The following AHRR variants were observed in gnomAD, a reference collection of about 807,000 sequenced individuals.
AHRR encodes aryl hydrocarbon receptor repressor, also known as ahR repressor.
Under a neutral mutation model 44.0 loss-of-function variants are expected in AHRR, and 28 were observed. That is an observed-to-expected ratio of 0.64 (90% CI 0.47 to 0.87). The LOEUF is 0.87. Among genes scored for constraint, AHRR ranks in the 40% least tolerant of loss-of-function variants. AHRR has a pLI of 0.00. For missense variants in AHRR, 990 were observed against 953.9 expected, an observed-to-expected ratio of 1.04 and a Z score of -0.50; for synonymous variants, 434 against 407.0, an observed-to-expected ratio of 1.07 and a Z score of -0.80.
intron 3 of AHRR, among the ~76,000 whole-genome samples, chr5:372,395 G>A (rs1344562523): frequency 6.6e-6 from 1 of 152,240 alleles, no homozygotes; most frequent in Non-Finnish European, 1.5e-5. Flanking sequence ...CAGGAGGCCT[G>A]AGAACCAGGT....
At chr5:416,061 C>G (rs755258714) in intron 5 of AHRR, among the ~76,000 whole-genome samples, 2 of 152,258 alleles carry the variant, frequency 1.3e-5, no homozygotes, top group Non-Finnish European at 2.9e-5. Context: ...TGTCTGCACA[C>G]TGGATGCCTC....
intron 4 of AHRR, chr5:403,902 T>G (rs1048347051): frequency 1.9e-6 from 3 of 1,585,756 alleles, no homozygotes; most frequent in Admixed American, 1.7e-5. Flanking sequence ...TAGATGAGAA[T>G]GTAGCTATTC....
chr5:423,453 A>G (rs914048904), intron 6 of AHRR, among the ~76,000 whole-genome samples: 16 of 152,176 alleles, frequency 1.1e-4, no homozygotes, highest in African/African-American at 3.9e-4. Context: ...GGTCCTGTGC[A>G]GAGGGTGGCT....
rs775306320 is a variant in AHRR at position 423,830 on chromosome 5, A to C, written c.572-11A>C. 1 of 1,592,402 alleles carries C rather than the reference A, an allele frequency of 6.3e-7. No individual in the cohort carries two copies. The highest frequency in any genetic ancestry group is 8.5e-7 in the Non-Finnish European group (1 of 1,172,000). On this transcript the variant is annotated splice_polypyrimidine_tract_variant and intron_variant, in intron 6 of 10. Transcript: ENST00000684583. ...CCCACCGCCACGCCCCTTGGCCCCT[A>C]TGGTCTGCAGGAGATGATGCTATCC... is the stretch of plus-strand genomic sequence containing the variant.
chr5:398,968 CGAG>C (rs1734892694), intron 4 of AHRR, among the ~76,000 whole-genome samples: 1 of 152,240 alleles, frequency 6.6e-6, no homozygotes, highest in South Asian at 2.1e-4. Context: ...TCATTCCTCT[CGAG>C]GACCAAGCAG....
chr5:404,453 TG>T lies in AHRR; in HGVS notation c.352-8890del, dbSNP rs984324325. On this transcript the variant is annotated intron_variant, in intron 4 of 10. Coordinates refer to ENST00000684583, the MANE Select transcript of AHRR (RefSeq NM_001377236.1). This position sits in a 1 kb window ranked among gnomAD's most constrained non-coding sequence, Gnocchi z 4.1. ...CAACAGGGGACCACTGTGCTGGTGCTGTCGTGCACGGTGTGTTCACCAAAAC... is the reference window on the plus strand; with the variant it reads ...CAACAGGGGACCACTGTGCTGGTGCTTCGTGCACGGTGTGTTCACCAAAAC... The T allele has an allele frequency of 1.9e-6, 1 of 523,136 alleles. No individual in the cohort carries two copies. Among genetic ancestry groups the T allele is most frequent in the African/African-American group, 2.0e-5 (1 of 50,866 alleles). The allele number at this position is 523,136 out of a possible 1,614,324, so 32.4% of individuals were successfully genotyped here. A position where few individuals can be genotyped will look rare whatever the true frequency, so the allele number is the denominator to read the frequency against.
rs546694715 is a variant in AHRR at position 366,018 on chromosome 5, G to A, written c.245-10592G>A. The stretch of plus-strand genomic sequence containing the variant: ...GCTCATGGTTTTCAATATATAAAGA[G>A]AGACATGAATATGTACGTAAAATGT... On this transcript the variant is annotated intron_variant, in intron 3 of 10. Transcript: ENST00000684583. Among the ~76,000 whole-genome samples the A allele has an allele frequency of 4.6e-5, 7 of 152,142 alleles. No homozygotes were observed. In the East Asian group the frequency reaches 1.2e-3, roughly 25 times the overall value.
intron 3 of AHRR, among the ~76,000 whole-genome samples, chr5:356,369 C>T (rs1040831398): frequency 4.6e-5 from 7 of 152,256 alleles, no homozygotes; most frequent in African/African-American, 1.4e-4. Flanking sequence ...GAAGCCCCGG[C>T]TCTGTTGCTG....
At chr5:393,011 C>T (rs1734540279) in intron 4 of AHRR, among the ~76,000 whole-genome samples, 1 of 152,184 alleles carries the variant, frequency 6.6e-6, no homozygotes, top group Admixed American at 6.5e-5. Context: ...GAGCTGATTT[C>T]TGTCATCCTA....
At chr5:390,878 C>T (rs940832665) in intron 4 of AHRR, among the ~76,000 whole-genome samples, 9 of 152,170 alleles carry the variant, frequency 5.9e-5, no homozygotes, top group African/African-American at 9.7e-5. Context: ...CTGGAGTTCA[C>T]GCACACCCGG....
chr5:398,172 A>G (rs1387778038), intron 4 of AHRR, among the ~76,000 whole-genome samples: 4 of 117,798 alleles, frequency 3.4e-5, no homozygotes, highest in South Asian at 2.5e-4. Context: ...GCCCCTGACC[A>G]TCCACGTAGC....
chr5:425,069 C>T (rs1297652441), intron 7 of AHRR, among the ~76,000 whole-genome samples: 2 of 152,274 alleles, frequency 1.3e-5, no homozygotes, highest in African/African-American at 2.4e-5. Context: ...CCTCTGACTC[C>T]AGCACTGTAG....
Position 326,927 on chromosome 5 carries a change from C to T in AHRR, c.-11+5108C>T, listed in dbSNP as rs1255233112. ...TACAAAAATTAGCCAGGCGTGGTGG[C>T]ACGCGCCTGTAGTCCCAGCTACTCA... is the stretch of plus-strand genomic sequence containing the variant. On this transcript the variant is annotated intron_variant, in intron 1 of 10. Transcript: ENST00000684583. The surrounding 1 kb of genome is among the most constrained non-coding windows in gnomAD (Gnocchi z 4.1). Among the ~76,000 whole-genome samples the T allele has an allele frequency of 6.6e-6, 1 of 152,042 alleles. No homozygotes were observed. Among genetic ancestry groups the T allele is most frequent in the Non-Finnish European group, 1.5e-5 (1 of 68,020 alleles).
At chr5:422,690 T>G (rs752950339) in intron 5 of AHRR, 39 bp from the exon 6 acceptor site, 1 of 1,613,920 alleles carries the variant, frequency 6.2e-7, no homozygotes, top group South Asian at 1.1e-5. Context: ...CTAAAGCCAC[T>G]TGGGGTAAGG....
chr5:408,296 T>C (rs1488860966), intron 4 of AHRR, among the ~76,000 whole-genome samples: 2 of 152,204 alleles, frequency 1.3e-5, no homozygotes, highest in African/African-American at 2.4e-5. Flanking sequence ...AGTGTTTCCC[T>C]ATGAAGTCGC....
At chr5:353,582 A>T (rs143349120) in intron 2 of AHRR, 148 bp from the exon 3 acceptor site, 6 of 683,722 alleles carry the variant, frequency 8.8e-6, no homozygotes, top group Non-Finnish European at 1.4e-5. Flanking sequence ...GTCTTGAGGC[A>T]TGGGTGAGCT....
In AHRR at chr5:404,336, TC is replaced by T. The variant is rs1735163824; in HGVS notation, c.352-9007del. The T allele has an allele frequency of 4.3e-6, 2 of 467,754 alleles. No individual in the cohort carries two copies. The highest frequency in any genetic ancestry group is 2.1e-5 in the African/African-American group (1 of 47,302). The allele number at this position is 467,754 out of a possible 1,614,324, so 29.0% of individuals were successfully genotyped here. A position where few individuals can be genotyped will look rare whatever the true frequency, so the allele number is the denominator to read the frequency against. ...CCAGTGTTACTAAAAGCTGTTTCAC[TC>T]TTTTTTTTTTCTTTTTTCCTTCATT... On this transcript the variant is annotated intron_variant, in intron 4 of 10. Transcript: ENST00000684583. This position sits in a 1 kb window ranked among gnomAD's most constrained non-coding sequence, Gnocchi z 4.1.
rs559528494 is a variant in AHRR at position 415,963 on chromosome 5, T to C, written c.441+2530T>C. ...GCCTCTAAGTTCAATCTCCTGCCCC[T>C]GAGCCCAAGGCCAGTCTCCCTGTGA... On this transcript the variant is annotated intron_variant, in intron 5 of 10. Transcript: ENST00000684583. 5.9e-5 allele frequency among the ~76,000 whole-genome samples: 9 copies of C among 152,346 alleles called. No homozygotes were observed. The East Asian group carries it at 1.3e-3, about 23-fold the overall frequency.
At position 370,438 on chromosome 5, in the gene AHRR, G is replaced by A. The variant is rs774128730; in HGVS notation, c.245-6172G>A. Among the ~76,000 whole-genome samples the A allele has an allele frequency of 3.9e-5, 6 of 152,188 alleles. No individual in the cohort carries two copies. The highest frequency in any genetic ancestry group is 1.2e-4 in the African/African-American group (5 of 41,440). On this transcript the variant is annotated intron_variant, in intron 3 of 10. Coordinates refer to ENST00000684583, the MANE Select transcript of AHRR (RefSeq NM_001377236.1). The surrounding 1 kb of genome is among the most constrained non-coding windows in gnomAD (Gnocchi z 4.5). Reference sequence around the variant, plus strand: ...CCAACTCCTGGACGGGAGAGGTGTCGTAAGGGTCCCTCAGGAGGGAGCTTG... The same window carrying A: ...CCAACTCCTGGACGGGAGAGGTGTCATAAGGGTCCCTCAGGAGGGAGCTTG...
Sources: gnomAD v4.1 joint callset for allele counts (sites outside exome capture counted in the v4.1 genomes callset) on GRCh38, gnomAD v4.1.1 for gene constraint, Gnocchi (gnomAD v3.1) non-coding constraint, MANE v1.5 for transcripts, NCBI Gene and HGNC (gene_info 2026-07-23, HGNC 2026-07-21) for gene names.